Variants in RNASEH2B observed in about 807,000 individuals in gnomAD.
RNASEH2B encodes Aicardi-Goutieres syndrome 2 protein.
RNASEH2B carries 36 observed loss-of-function variants against 45.0 expected under a neutral mutation model. That is an observed-to-expected ratio of 0.80 (90% CI 0.61 to 1.06). The LOEUF (loss-of-function observed/expected upper bound fraction) is 1.06. Ranked by LOEUF, RNASEH2B falls within the 50% of genes least tolerant of loss-of-function variation. RNASEH2B has a pLI of 0.00. For synonymous variants in RNASEH2B, 119 were observed against 125.7 expected, an observed-to-expected ratio of 0.95 and a Z score of 0.35; for missense variants, 361 against 360.3, an observed-to-expected ratio of 1.00 and a Z score of -0.02.
chr13:50,916,380 G>T (rs564470668), intron 1 of RNASEH2B, among the ~76,000 whole-genome samples: 1 of 152,130 alleles, frequency 6.6e-6, no homozygotes, highest in African/African-American at 2.4e-5. Context: ...AGAGGTAGGG[G>T]CTGTTTTTTT....
At chr13:50,950,749 T>G (rs940325189) in intron 9 of RNASEH2B, 1 of 152,256 alleles carries the variant, frequency 6.6e-6, no homozygotes, top group Non-Finnish European at 1.5e-5. Flanking sequence ...CTAAACCTAT[T>G]CTTGAAAGCT....
At chr13:50,932,713 C>T (rs1951695396) in intron 4 of RNASEH2B, among the ~76,000 whole-genome samples, 1 of 152,160 alleles carries the variant, frequency 6.6e-6, no homozygotes, top group Admixed American at 6.5e-5. Flanking sequence ...ATAAGTGTCA[C>T]TCAAACAGCT....
At chr13:50,913,521 C>G (rs1165256056) in intron 1 of RNASEH2B, among the ~76,000 whole-genome samples, 1 of 151,728 alleles carries the variant, frequency 6.6e-6, no homozygotes, top group Non-Finnish European at 1.5e-5. Context: ...TCATTTCAGG[C>G]CTGTTAAAAC....
At chr13:50,928,258 A>G (rs1177753874) in intron 2 of RNASEH2B, 1 of 152,210 alleles carries the variant, frequency 6.6e-6, no homozygotes, top group Non-Finnish European at 1.5e-5. Context: ...GTAATACGGA[A>G]TAGTAAAAGT....
downstream of RNASEH2B, chr13:50,959,927 A>C (rs1952093842): frequency 3.3e-6 from 1 of 303,970 alleles, no homozygotes; most frequent in Non-Finnish European, 6.0e-6. Flanking sequence ...ATTTTTACTG[A>C]GATTTTGTTA....
chr13:50,930,738 C>T lies in RNASEH2B; in HGVS notation c.300C>T (p.Tyr100=), dbSNP rs1467684524. Residue 100 remains tyrosine, a synonymous_variant, in exon 4 of 11, where the codon TAC becomes TAT. Coordinates refer to ENST00000336617, the MANE Select transcript of RNASEH2B (RefSeq NM_024570.4). ...PVDPLFLLLH[Y]LIKADKEGKF... Reference sequence around the variant, plus strand: ...ATCCTCTATTTCTGCTTCTCCACTACCTCATAAAGGCTGATAAGGAGGTGA... The same window carrying T: ...ATCCTCTATTTCTGCTTCTCCACTATCTCATAAAGGCTGATAAGGAGGTGA... 1.9e-6 allele frequency: 3 copies of T among 1,613,484 alleles called. No individual in the cohort carries two copies. Among genetic ancestry groups the T allele is most frequent in the Admixed American group, 3.3e-5 (2 of 60,002 alleles).
At chr13:50,955,508 C>G in intron 10 of RNASEH2B, 1 of 152,158 alleles carries the variant, frequency 6.6e-6, no homozygotes, top group African/African-American at 2.4e-5. Context: ...TGTTGCTTTG[C>G]ACCATTGAGT....
At chr13:50,962,676 G>A (rs556948352) in intron 9 of RNASEH2B, among the ~76,000 whole-genome samples, 12 of 152,138 alleles carry the variant, frequency 7.9e-5, no homozygotes, top group African/African-American at 2.6e-4. Flanking sequence ...CATAATCTCT[G>A]ATGAGACATC....
rs372703323 is a variant in RNASEH2B at position 50,930,774 on chromosome 13, C to T, written c.321+15C>T. On this transcript the variant is annotated intron_variant, in intron 4 of 10. Coordinates refer to ENST00000336617, the MANE Select transcript of RNASEH2B (RefSeq NM_024570.4). ...CTGATAAGGAGGTGAGTTTCCAGCT[C>T]GGAGCATCCACAGTGAGGAAACAGA... 1.8e-5 allele frequency: 28 copies of T among 1,586,602 alleles called. No individual in the cohort carries two copies. Among genetic ancestry groups the T allele is most frequent in the Non-Finnish European group, 2.3e-5 (27 of 1,154,972 alleles).
exon 10 of RNASEH2B, chr13:50,970,407 A>G (rs1328997649): frequency 3.3e-6 from 1 of 300,130 alleles, no homozygotes; most frequent in African/African-American, 2.2e-5. Context: ...AATATACCTA[A>G]ACGTTGGCAT....
In RNASEH2B at chr13:50,929,528, A is replaced by G; in HGVS notation, c.190A>G (p.Lys64Glu). ...NMCLQQLFEV[K>E]VFKEKHHSWF... Reference sequence around the variant, plus strand: ...GTGTCTACAGCAGCTGTTTGAAGTAAAAGTTTTCAAGGAAAAACACCATTC... The same window carrying G: ...GTGTCTACAGCAGCTGTTTGAAGTAGAAGTTTTCAAGGAAAAACACCATTC... Residue 64 changes from lysine (K) to glutamate (E), a missense_variant, in exon 3 of 11, where the codon AAA becomes GAA. Lys to Glu is a moderately conservative substitution (Grantham distance 56, BLOSUM62 1). Transcript: ENST00000336617. The G allele has an allele frequency of 2.5e-6, 4 of 1,613,924 alleles. No individual in the cohort carries two copies. Among genetic ancestry groups the G allele is most frequent in the Non-Finnish European group, 3.4e-6 (4 of 1,179,862 alleles).
intron 3 of RNASEH2B, 130 bp from the exon 4 acceptor site, chr13:50,930,553 T>G (rs185262865): frequency 2.6e-6 from 2 of 757,930 alleles, no homozygotes; most frequent in Admixed American, 3.7e-5. Flanking sequence ...GAGGCCTGTA[T>G]AAGAAGAGAT....
At chr13:50,923,806 TGATA>T (rs986618654) in intron 1 of RNASEH2B, among the ~76,000 whole-genome samples, 2 of 152,118 alleles carry the variant, frequency 1.3e-5, no homozygotes. Context: ...CTCATTTGGG[TGATA>T]GATAACTACA....
intron 1 of RNASEH2B, chr13:50,912,599 G>C (rs191388720): frequency 3.2e-4 from 48 of 152,358 alleles, no homozygotes; most frequent in African/African-American, 1.1e-3. Flanking sequence ...CAGAAGATGA[G>C]AAATCAGCCT....
Position 50,930,763 on chromosome 13 carries a change from A to G in RNASEH2B, c.321+4A>G. The G allele has an allele frequency of 6.2e-7, 1 of 1,608,784 alleles. No homozygotes were observed. The highest frequency in any genetic ancestry group is 8.5e-7 in the Non-Finnish European group (1 of 1,175,108). ...CCTCATAAAGGCTGATAAGGAGGTG[A>G]GTTTCCAGCTCGGAGCATCCACAGT... On this transcript the variant is annotated splice_donor_region_variant and intron_variant, in intron 4 of 10. Transcript: ENST00000336617.
chr13:50,935,612 A>G (rs1381030648), intron 5 of RNASEH2B: 1 of 155,858 alleles, frequency 6.4e-6, no homozygotes, highest in Non-Finnish European at 1.4e-5. Context: ...TCCTGGGGGA[A>G]ATGACCTCTT....
chr13:50,909,975 C>A lies in RNASEH2B; in HGVS notation c.-102C>A. On this transcript the variant is annotated 5_prime_UTR_variant, in exon 1 of 11. Transcript: ENST00000336617. ...CGGGCGCTGCCGGTCCCTCAGCGCG[C>A]CGCGCCACCCGGAACAGACCCTTCT... The A allele has an allele frequency of 9.4e-7, 1 of 1,061,328 alleles. No individual in the cohort carries two copies. Among genetic ancestry groups the A allele is most frequent in the Non-Finnish European group, 1.3e-6 (1 of 770,294 alleles). 65.7% of individuals were successfully genotyped at this position (1,061,328 alleles called of 1,614,324 possible). A position where few individuals can be genotyped will look rare whatever the true frequency, so the allele number is the denominator to read the frequency against.
At chr13:50,960,282 T>C (rs1952097493), downstream of RNASEH2B, 2 of 381,808 alleles carry the variant, frequency 5.2e-6, no homozygotes, top group African/African-American at 4.1e-5. Context: ...TAATATAGTA[T>C]GTAATTTAGT....
chr13:50,959,159 T>C (rs1952085363), downstream of RNASEH2B, among the ~76,000 whole-genome samples: 1 of 152,182 alleles, frequency 6.6e-6, no homozygotes, highest in Non-Finnish European at 1.5e-5. Flanking sequence ...TTTATATTCT[T>C]TGCTAAATTA....
Sources: allele counts gnomAD v4.1 joint callset (sites outside exome capture counted in the v4.1 genomes callset), GRCh38; gene constraint gnomAD v4.1.1; transcripts MANE v1.5; gene names NCBI Gene and HGNC (gene_info 2026-07-23, HGNC 2026-07-21).